PDIA5: variants seen among roughly 807,000 people sequenced by gnomAD.
PDIA5 encodes protein disulfide isomerase family A member 5, also known as protein disulfide-isomerase A5.
In PDIA5, 58 loss-of-function variants were observed where a neutral mutation model predicts 77.6. The observed-to-expected ratio is 0.75, with a 90% CI of 0.61 to 0.93. The LOEUF (loss-of-function observed/expected upper bound fraction) is 0.93, where lower values mean the gene tolerates loss of function less well. PDIA5 is among the 40% of genes least tolerant of loss of function. The pLI is 0.00. For synonymous variants in PDIA5, 250 were observed against 252.1 expected (o/e 0.99, Z 0.08); for missense variants, 630 against 647.7 (o/e 0.97, Z 0.30).
At chr3:123,123,867 G>A (rs1345317050) in intron 8 of PDIA5, among the ~76,000 whole-genome samples, 199 bp from the exon 9 acceptor site, 1 of 152,222 alleles carries the variant, frequency 6.6e-6, no homozygotes, top group Non-Finnish European at 1.5e-5. Context: ...CGGCCCAGCT[G>A]CCTGACTTCT....
At chr3:123,130,112 T>A (rs1935338027) in intron 10 of PDIA5, among the ~76,000 whole-genome samples, 1 of 152,230 alleles carries the variant, frequency 6.6e-6, no homozygotes, top group Non-Finnish European at 1.5e-5. Context: ...CCATTCACTG[T>A]TGCTATTTAT....
At chr3:123,136,725 CAAAAAAAAA>C (rs59022235) in intron 11 of PDIA5, among the ~76,000 whole-genome samples, 1 of 71,530 alleles carries the variant, frequency 1.4e-5, no homozygotes, top group Non-Finnish European at 2.5e-5. Context: ...GGTGACAAGA[CAAAAAAAAA>C]AAAAAAAAAA....
chr3:123,107,519 C>T (rs1214873984), intron 6 of PDIA5, among the ~76,000 whole-genome samples: 1 of 152,094 alleles, frequency 6.6e-6, no homozygotes. Context: ...GTGAGACCCC[C>T]ATCTCTAAAA....
chr3:123,104,729 G>A (rs1178844702), intron 5 of PDIA5, among the ~76,000 whole-genome samples: 1 of 152,216 alleles, frequency 6.6e-6, no homozygotes, highest in Non-Finnish European at 1.5e-5. Flanking sequence ...GTGCCTGGCA[G>A]TCTGGATTCA....
intron 3 of PDIA5, among the ~76,000 whole-genome samples, chr3:123,099,102 A>G (rs1261254134): frequency 6.6e-6 from 1 of 152,240 alleles, no homozygotes; most frequent in Non-Finnish European, 1.5e-5. Context: ...ATTTTGAGAG[A>G]CACAACTATG....
At chr3:123,141,646 G>C (rs1935639380) in intron 11 of PDIA5, among the ~76,000 whole-genome samples, 1 of 152,262 alleles carries the variant, frequency 6.6e-6, no homozygotes, top group South Asian at 2.1e-4. Context: ...GGGAGCAGCA[G>C]CTTGGGGTTG....
intron 1 of PDIA5, among the ~76,000 whole-genome samples, chr3:123,075,972 C>T (rs1933847137): frequency 6.6e-6 from 1 of 152,168 alleles, no homozygotes; most frequent in Non-Finnish European, 1.5e-5. Context: ...TCACCATTGT[C>T]TGCTTGGTGT....
chr3:123,121,272 G>A (rs113178663), intron 8 of PDIA5, among the ~76,000 whole-genome samples: 8 of 152,276 alleles, frequency 5.3e-5, no homozygotes, highest in South Asian at 2.1e-4. Context: ...TGCAGCCCAC[G>A]CTAAGAAGCT....
At position 123,123,296 on chromosome 3, in the gene PDIA5, C is replaced by T. The variant is rs145162133; in HGVS notation, c.610-770C>T. On this transcript the variant is annotated intron_variant, in intron 8 of 16. Coordinates refer to ENST00000316218, the MANE Select transcript of PDIA5 (RefSeq NM_006810.4). ...AGTCAGTCTTAGTATTTAGCTACATCGTCGGTTACCCAGCTACTAAAATAC... is the reference window on the plus strand; with the variant it reads ...AGTCAGTCTTAGTATTTAGCTACATTGTCGGTTACCCAGCTACTAAAATAC... Among the ~76,000 whole-genome samples the T allele has an allele frequency of 4.2e-4, 64 of 152,238 alleles. 1 individual carries two copies. In the East Asian group the frequency reaches 4.8e-3, roughly 11 times the overall value.
At chr3:123,158,641 C>T (rs1936075983) in intron 15 of PDIA5, among the ~76,000 whole-genome samples, 4 of 152,192 alleles carry the variant, frequency 2.6e-5, no homozygotes, top group Admixed American at 2.6e-4. Context: ...TGTCATTGGC[C>T]TTACGTCCAG....
chr3:123,144,091 A>G (rs1301522371), intron 11 of PDIA5, among the ~76,000 whole-genome samples: 1 of 152,116 alleles, frequency 6.6e-6, no homozygotes, highest in Non-Finnish European at 1.5e-5. Flanking sequence ...TCTCACCTGG[A>G]GCTGAGTTCT....
intron 3 of PDIA5, among the ~76,000 whole-genome samples, chr3:123,098,051 G>A (rs1934486858): frequency 6.6e-6 from 1 of 152,132 alleles, no homozygotes; most frequent in African/African-American, 2.4e-5. Context: ...ACAGGGGTTT[G>A]GAGGTTTTTT....
rs1560515190 is a variant in PDIA5 at position 123,102,421 on chromosome 3, A to G, written c.268A>G (p.Ser90Gly). The G allele has an allele frequency of 4.3e-6, 7 of 1,613,504 alleles. No individual in the cohort carries two copies. Among genetic ancestry groups the G allele is most frequent in the Non-Finnish European group, 5.9e-6 (7 of 1,179,362 alleles). ...ICWVDCGDAESRKLCKKMKVD... is the reference protein window; with the variant it reads ...ICWVDCGDAEGRKLCKKMKVD... ...ATTTGTGTCTTCCAGTGATGCAGAG[A>G]GTAGAAAATTGTGCAAGAAGATGAA... Residue 90 changes from serine (S) to glycine (G), a missense_variant, in exon 4 of 17, where the codon AGT (serine) becomes GGT (glycine). Transcript: ENST00000316218.
At chr3:123,079,175 C>CTTTTTTTTTTTTTTTT (rs35252405) in intron 1 of PDIA5, among the ~76,000 whole-genome samples, 1 of 94,080 alleles carries the variant, frequency 1.1e-5, no homozygotes, top group African/African-American at 4.3e-5. Context: ...ATTTTGAATT[C>CTTTTTTTTTTTTTTTT]TTTTTTTTTT....
rs1196042683 is a variant in PDIA5 at position 123,146,194 on chromosome 3, G to A, written c.1077G>A (p.Lys359=). Residue 359 remains lysine (K), a synonymous_variant, in exon 13 of 17, where the codon AAG becomes AAA. Coordinates refer to ENST00000316218, the MANE Select transcript of PDIA5 (RefSeq NM_006810.4). The part of the protein sequence containing the change: ...ISEFPTLKYF[K]NGEKYAVPVL... ...AGTTTCCTACGTTGAAGTATTTTAA[G>A]AATGGAGAGAAATACGCAGTGCCTG... The A allele has an allele frequency of 1.9e-6, 3 of 1,614,010 alleles. No homozygotes were observed. The South Asian group carries it at 3.3e-5, about 18-fold the overall frequency.
At chr3:123,084,649 C>G (rs527846991) in intron 1 of PDIA5, among the ~76,000 whole-genome samples, 17 of 152,178 alleles carry the variant, frequency 1.1e-4, no homozygotes, top group Admixed American at 2.0e-4. Flanking sequence ...AGAGAAAAGC[C>G]TCCTCTGCTG....
chr3:123,157,769 T>A (rs1208717298), intron 15 of PDIA5, among the ~76,000 whole-genome samples: 3 of 152,250 alleles, frequency 2.0e-5, no homozygotes, highest in African/African-American at 7.2e-5. Context: ...TTGGGGACTT[T>A]ATCGGTTGGC....
intron 11 of PDIA5, 88 bp downstream of exon 11, chr3:123,130,704 G>C: frequency 6.7e-7 from 1 of 1,487,328 alleles, no homozygotes; most frequent in Admixed American, 1.7e-5. Context: ...AACCCAGGAA[G>C]CACTTATTTT....
intron 1 of PDIA5, among the ~76,000 whole-genome samples, chr3:123,077,169 T>C (rs1043503022): frequency 6.6e-6 from 1 of 152,212 alleles, no homozygotes; most frequent in African/African-American, 2.4e-5. Context: ...CAGACTTGGG[T>C]CTGAATCACA....
Sources: gnomAD v4.1 joint callset for allele counts (sites outside exome capture counted in the v4.1 genomes callset) on GRCh38, gnomAD v4.1.1 for gene constraint, MANE v1.5 for transcripts, NCBI Gene and HGNC (gene_info 2026-07-23, HGNC 2026-07-21) for gene names.